The following TRPC1 variants were observed in gnomAD, a reference collection of about 807,000 sequenced individuals.
The protein encoded by TRPC1 is transient receptor potential cation channel subfamily C member 1.
Under a neutral mutation model 88.2 loss-of-function variants are expected in TRPC1, and 42 were observed. The observed-to-expected ratio is 0.48, with a 90% CI of 0.37 to 0.62. TRPC1 has a LOEUF of 0.62. Among genes scored for constraint, TRPC1 ranks in the 20% least tolerant of loss-of-function variants. TRPC1 has a pLI of 0.00. For missense variants in TRPC1, 699 were observed against 957.3 expected (o/e 0.73, Z 3.56); for synonymous variants, 288 against 331.8 (o/e 0.87, Z 1.43).
chr3:142,763,524 C>T (rs965632870), intron 4 of TRPC1, among the ~76,000 whole-genome samples: 31 of 151,626 alleles, frequency 2.0e-4, no homozygotes, highest in Non-Finnish European at 7.4e-5. Flanking sequence ...TTTTAGTTTT[C>T]AGTTACGTGG....
At chr3:142,743,150 C>T (rs1271400752) in intron 2 of TRPC1, among the ~76,000 whole-genome samples, 1 of 151,414 alleles carries the variant, frequency 6.6e-6, no homozygotes, top group African/African-American at 2.4e-5. Context: ...TTCTTTTGGT[C>T]CACAGTTCAA....
At chr3:142,739,584 C>G (rs1164383054) in intron 2 of TRPC1, among the ~76,000 whole-genome samples, 2 of 152,082 alleles carry the variant, frequency 1.3e-5, no homozygotes, top group Non-Finnish European at 2.9e-5. Flanking sequence ...ATAATTAAAA[C>G]AAAATGGATA....
chr3:142,780,813 A>G (rs1935935808), intron 5 of TRPC1, 21 bp from the exon 6 acceptor site: 2 of 1,574,764 alleles, frequency 1.3e-6, no homozygotes, highest in East Asian at 4.6e-5. Context: ...GTTTCTGATA[A>G]TAGAATGCTG....
chr3:142,724,332 C>A lies in TRPC1; in HGVS notation c.-228C>A, dbSNP rs1405792108. The A allele has an allele frequency of 6.0e-6, 2 of 330,626 alleles. No homozygotes were observed. The highest frequency in any genetic ancestry group is 1.1e-5 in the Non-Finnish European group (2 of 184,468). 20.5% of individuals were successfully genotyped at this position (330,626 alleles called of 1,614,324 possible). On this transcript the variant is annotated 5_prime_UTR_variant, in exon 1 of 13. Transcript: ENST00000476941. This position sits in a 1 kb window ranked among gnomAD's most constrained non-coding sequence, Gnocchi z 5.6. ...CCGGCGGCTGGGGAGGGGTCGCTGGCCCCGGGGCCGCGCATGCGCCGCCAC... is the reference window on the plus strand; with the variant it reads ...CCGGCGGCTGGGGAGGGGTCGCTGGACCCGGGGCCGCGCATGCGCCGCCAC...
rs947703018 is a variant in TRPC1, at chr3:142,767,081, C to T, written c.633-10551C>T. On this transcript the variant is annotated intron_variant, in intron 4 of 12. Coordinates refer to ENST00000476941, the MANE Select transcript of TRPC1 (RefSeq NM_001251845.2). The surrounding 1 kb of genome is among the most constrained non-coding windows in gnomAD (Gnocchi z 5.1). ...AATATTGAATTATCCAACCATTGAACATGGTATATCTCTCCATTTAATAGG... is the reference window on the plus strand; with the variant it reads ...AATATTGAATTATCCAACCATTGAATATGGTATATCTCTCCATTTAATAGG... Among the ~76,000 whole-genome samples, 13 of 152,276 alleles carry T rather than the reference C, an allele frequency of 8.5e-5. No homozygotes were observed. Among genetic ancestry groups the T allele is most frequent in the African/African-American group, 1.9e-4 (8 of 41,562 alleles).
At chr3:142,730,775 C>G (rs968265839) in intron 1 of TRPC1, among the ~76,000 whole-genome samples, 2 of 151,944 alleles carry the variant, frequency 1.3e-5, no homozygotes, top group African/African-American at 2.4e-5. Context: ...ATAAAACTTT[C>G]TGTTTTAAGC....
intron 1 of TRPC1, among the ~76,000 whole-genome samples, chr3:142,732,851 C>T (rs554867409): frequency 6.6e-6 from 1 of 152,300 alleles, no homozygotes; most frequent in East Asian, 1.9e-4. Context: ...GTCTGTCATA[C>T]ACAGGCATTT....
At chr3:142,732,443 A>C (rs1442764402) in intron 1 of TRPC1, among the ~76,000 whole-genome samples, 1 of 152,158 alleles carries the variant, frequency 6.6e-6, no homozygotes, top group Non-Finnish European at 1.5e-5. Flanking sequence ...ATATGGGCCA[A>C]GGTGGAGGCC....
chr3:142,736,537 C>T lies in TRPC1; in HGVS notation c.327+4C>T. ...TCTTTTGGACTACGGTTGTCAGGTA[C>T]AAGGCTAGATAATTTAATCCAGTTA... On this transcript the variant is annotated splice_donor_region_variant and intron_variant, in intron 2 of 12. Transcript: ENST00000476941. The T allele has an allele frequency of 6.3e-7, 1 of 1,596,936 alleles. No homozygotes were observed. The highest frequency in any genetic ancestry group is 8.5e-7 in the Non-Finnish European group (1 of 1,173,626).
intron 2 of TRPC1, among the ~76,000 whole-genome samples, chr3:142,738,917 T>C (rs987262594): frequency 6.6e-6 from 1 of 152,106 alleles, no homozygotes; most frequent in East Asian, 1.9e-4. Flanking sequence ...CCTCACAATA[T>C]AGGGATTTGA....
intron 2 of TRPC1, among the ~76,000 whole-genome samples, chr3:142,741,694 T>C (rs562392129): frequency 6.6e-6 from 1 of 152,362 alleles, no homozygotes; most frequent in African/African-American, 2.4e-5. Flanking sequence ...TGGACAATTC[T>C]AAATCAGAAT....
At chr3:142,761,223 T>C (rs1162989393) in intron 4 of TRPC1, among the ~76,000 whole-genome samples, 1 of 152,182 alleles carries the variant, frequency 6.6e-6, no homozygotes, top group African/African-American at 2.4e-5. Context: ...TTTTGAAGTA[T>C]GTCCCTCCTA....
At chr3:142,804,210 T>A in intron 11 of TRPC1, 32 bp downstream of exon 11, 1 of 1,603,900 alleles carries the variant, frequency 6.2e-7, no homozygotes, top group Non-Finnish European at 8.5e-7. Flanking sequence ...CTTTATATTC[T>A]CCTCAGACCA....
chr3:142,731,392 T>C, intron 1 of TRPC1, among the ~76,000 whole-genome samples: 1 of 140,046 alleles, frequency 7.1e-6, no homozygotes, highest in Non-Finnish European at 1.5e-5. Context: ...TTTTTTTTTT[T>C]TTTTTTTTTT....
chr3:142,773,945 G>GT (rs1935670799), intron 4 of TRPC1, among the ~76,000 whole-genome samples: 1 of 151,322 alleles, frequency 6.6e-6, no homozygotes, highest in African/African-American at 2.4e-5. Context: ...CTGTTTTGTT[G>GT]TTTTTTATAT....
intron 1 of TRPC1, among the ~76,000 whole-genome samples, chr3:142,731,617 C>T (rs573246055): frequency 6.6e-6 from 1 of 151,982 alleles, no homozygotes; most frequent in Admixed American, 6.6e-5. Flanking sequence ...ATCTCCTGAC[C>T]TCATGATCCG....
intron 4 of TRPC1, among the ~76,000 whole-genome samples, chr3:142,768,597 G>A (rs1935475708): frequency 6.6e-6 from 1 of 151,950 alleles, no homozygotes; most frequent in Non-Finnish European, 1.5e-5. Context: ...TTTTTGGTAT[G>A]ACAGATTTAT....
intron 6 of TRPC1, among the ~76,000 whole-genome samples, chr3:142,783,852 A>T (rs938033161): frequency 1.3e-5 from 2 of 152,180 alleles, no homozygotes; most frequent in Admixed American, 6.6e-5. Flanking sequence ...ACATGAGTAT[A>T]TATAGAATTA....
chr3:142,781,996 A>G (rs935542947), intron 6 of TRPC1, among the ~76,000 whole-genome samples: 1 of 152,142 alleles, frequency 6.6e-6, no homozygotes, highest in African/African-American at 2.4e-5. Context: ...TGATGGAGGA[A>G]TTGATGGAGG....
Sources: allele counts gnomAD v4.1 joint callset (sites outside exome capture counted in the v4.1 genomes callset), GRCh38; gene constraint gnomAD v4.1.1; non-coding constraint Gnocchi (gnomAD v3.1); transcripts MANE v1.5; gene names NCBI Gene and HGNC (gene_info 2026-07-23, HGNC 2026-07-21).